PEX11A: variants seen among roughly 807,000 people sequenced by gnomAD.
PEX11A encodes peroxisomal membrane protein 11A.
A neutral mutation model predicts 14.4 loss-of-function variants in PEX11A; 13 were observed. That is an observed-to-expected ratio of 0.90 (90% CI 0.59 to 1.43). PEX11A has a LOEUF of 1.43. Among genes scored for constraint, PEX11A ranks in the 40% most tolerant of loss-of-function variants. The pLI is 0.00. For missense variants in PEX11A, 290 were observed against 302.8 expected, an observed-to-expected ratio of 0.96 and a Z score of 0.31; for synonymous variants, 101 against 113.0, an observed-to-expected ratio of 0.89 and a Z score of 0.67.
chr15:89,685,962 AC>A (rs1310528393), intron 2 of PEX11A, among the ~76,000 whole-genome samples: 1 of 152,224 alleles, frequency 6.6e-6, no homozygotes, highest in African/African-American at 2.4e-5. Context: ...TTCACTTTTT[AC>A]CTTTGGCATG....
rs1431291923 is a variant in PEX11A at position 89,690,668 on chromosome 15, T to C, written c.-36A>G. The C allele has an allele frequency of 2.0e-6, 3 of 1,521,352 alleles. No homozygotes were observed. The highest frequency in any genetic ancestry group is 4.9e-5 in the East Asian group (2 of 40,700). 94.2% of individuals were successfully genotyped at this position (1,521,352 alleles called of 1,614,324 possible). A position where few individuals can be genotyped will look rare whatever the true frequency, so the allele number is the denominator to read the frequency against. ...CCAAAGGCCACGAGTCGCACGGGGC[T>C]CAGGCGTGGGTCCTCTGGGGCCCGT... On this transcript the variant is annotated 5_prime_UTR_variant, in exon 1 of 3. Transcript: ENST00000300056.
At chr15:89,686,197 T>G (rs1964673628) in intron 2 of PEX11A, among the ~76,000 whole-genome samples, 2 of 152,334 alleles carry the variant, frequency 1.3e-5, no homozygotes, top group South Asian at 4.1e-4. Context: ...TGGTTATGAT[T>G]CAGCAGAAAG....
intron 2 of PEX11A, among the ~76,000 whole-genome samples, chr15:89,685,671 C>G (rs1677763395): frequency 6.6e-6 from 1 of 152,006 alleles, no homozygotes; most frequent in African/African-American, 2.4e-5. Flanking sequence ...TTTCCTCTAC[C>G]TCAGCCAACA....
intron 1 of PEX11A, chr15:89,687,895 GA>G: frequency 4.4e-6 from 2 of 459,190 alleles, no homozygotes; most frequent in Non-Finnish European, 8.3e-6. Flanking sequence ...ACATAAACTC[GA>G]TTTTATTGTC....
chr15:89,683,492 T>C lies in PEX11A; in HGVS notation c.629A>G (p.Asp210Gly), dbSNP rs1964627486. ...ATTGGATTTATAGATCCCCAGCTGGTCCAAAGGGTTCAGGATATCACAAAG... is the reference window on the plus strand; with the variant it reads ...ATTGGATTTATAGATCCCCAGCTGGCCCAAAGGGTTCAGGATATCACAAAG... Reference protein sequence around the residue: ...KNLCDILNPLDQLGIYKSNPG... With the variant: ...KNLCDILNPLGQLGIYKSNPG... The change falls in exon 3 of 3, where the codon GAC (aspartate) becomes GGC (glycine). Residue 210 changes from aspartate to glycine, a missense_variant. Asp to Gly is a moderately conservative substitution (Grantham distance 94). Coordinates refer to ENST00000300056, the MANE Select transcript of PEX11A (RefSeq NM_003847.3). 6.2e-7 allele frequency: 1 copy of C among 1,613,924 alleles called. No individual in the cohort carries two copies. The highest frequency in any genetic ancestry group is 8.5e-7 in the Non-Finnish European group (1 of 1,179,916).
At chr15:89,687,534 G>A (rs893221144) in intron 1 of PEX11A, among the ~76,000 whole-genome samples, 2 of 152,160 alleles carry the variant, frequency 1.3e-5, no homozygotes, top group Non-Finnish European at 2.9e-5. Context: ...ATAAATGTAG[G>A]AGAAATTTTA....
Position 89,683,333 on chromosome 15 carries a change from G to T in PEX11A, c.*44C>A. 1.5e-6 allele frequency: 2 copies of T among 1,301,016 alleles called. No individual in the cohort carries two copies. Among genetic ancestry groups the T allele is most frequent in the South Asian group, 1.3e-5 (1 of 75,182 alleles). The allele number at this position is 1,301,016 out of a possible 1,614,324, so 80.6% of individuals were successfully genotyped here. A position where few individuals can be genotyped will look rare whatever the true frequency, so the allele number is the denominator to read the frequency against. On this transcript the variant is annotated 3_prime_UTR_variant, in exon 3 of 3. Transcript: ENST00000300056. Reference sequence around the variant, plus strand: ...TATACAAATGTCTGTCCCACCAAGAGGCCATCTTTTAAAGTAGGTACTAGT... The same window carrying T: ...TATACAAATGTCTGTCCCACCAAGATGCCATCTTTTAAAGTAGGTACTAGT...
intron 1 of PEX11A, among the ~76,000 whole-genome samples, chr15:89,689,513 C>T (rs1345433166): frequency 6.6e-6 from 1 of 152,186 alleles, no homozygotes; most frequent in Non-Finnish European, 1.5e-5. Flanking sequence ...AAGCAAGAAT[C>T]AACCAAATCT....
chr15:89,684,477 A>C (rs1964648484), intron 2 of PEX11A, among the ~76,000 whole-genome samples: 1 of 152,224 alleles, frequency 6.6e-6, no homozygotes, highest in South Asian at 2.1e-4. Context: ...CATGAACTCC[A>C]GATGCAATAC....
Position 89,683,197 on chromosome 15 carries a change from C to A in PEX11A, c.*180G>T. The A allele has an allele frequency of 1.6e-6, 1 of 607,028 alleles. No individual in the cohort carries two copies. Among genetic ancestry groups the A allele is most frequent in the Non-Finnish European group, 2.9e-6 (1 of 343,336 alleles). 37.6% of individuals were successfully genotyped at this position (607,028 alleles called of 1,614,324 possible). ...ACTCCAGCACTCCAAAAACATACAA[C>A]TCTTCATGCTCCTCCCTTCTCCGTT... On this transcript the variant is annotated 3_prime_UTR_variant, in exon 3 of 3. Coordinates refer to ENST00000300056, the MANE Select transcript of PEX11A (RefSeq NM_003847.3).
Position 89,686,555 on chromosome 15 carries a change from G to T in PEX11A, c.57-9C>A. 4.1e-6 allele frequency: 4 copies of T among 980,150 alleles called. No homozygotes were observed. The highest frequency in any genetic ancestry group is 5.9e-6 in the Non-Finnish European group (4 of 674,518). 60.7% of individuals were successfully genotyped at this position (980,150 alleles called of 1,614,324 possible). A position where few individuals can be genotyped will look rare whatever the true frequency, so the allele number is the denominator to read the frequency against. On this transcript the variant is annotated splice_polypyrimidine_tract_variant and intron_variant, in intron 1 of 2. Coordinates refer to ENST00000300056, the MANE Select transcript of PEX11A (RefSeq NM_003847.3). ...ATGTGTACTGAGTGGCTCTGAAATGGAAAAAAAAAAATTGAGAAGAATGAT... is the reference window on the plus strand; with the variant it reads ...ATGTGTACTGAGTGGCTCTGAAATGTAAAAAAAAAAATTGAGAAGAATGAT...
Position 89,683,830 on chromosome 15 carries a change from G to C in PEX11A, c.291C>G (p.Phe97Leu). 1 of 1,614,110 alleles carries C rather than the reference G, an allele frequency of 6.2e-7. No homozygotes were observed. The highest frequency in any genetic ancestry group is 8.5e-7 in the Non-Finnish European group (1 of 1,179,932). ...TLANLNRVIY[F>L]ICDTILWVRS... is the part of the protein sequence containing the mutation. Reference sequence around the variant, plus strand: ...TCACCCAGAGGATGGTGTCACAGATGAAATAAATCACACGGTTCAGGTTGG... The same window carrying C: ...TCACCCAGAGGATGGTGTCACAGATCAAATAAATCACACGGTTCAGGTTGG... Residue 97 changes from phenylalanine (F) to leucine (L), a missense_variant, in exon 3 of 3, where the codon TTC (phenylalanine) becomes TTG (leucine). Phe to Leu is a conservative substitution (Grantham distance 22). Coordinates refer to ENST00000300056, the MANE Select transcript of PEX11A (RefSeq NM_003847.3).
intron 2 of PEX11A, among the ~76,000 whole-genome samples, chr15:89,684,966 G>C (rs978633752): frequency 6.6e-6 from 1 of 152,112 alleles, no homozygotes; most frequent in African/African-American, 2.4e-5. Context: ...AAGGTGCACG[G>C]ATCACCTGAG....
At position 89,690,725 on chromosome 15, in the gene PEX11A, AT is replaced by A; in HGVS notation, c.-94del. The A allele has an allele frequency of 2.3e-6, 2 of 887,974 alleles. No homozygotes were observed. Among genetic ancestry groups the A allele is most frequent in the Non-Finnish European group, 1.7e-6 (1 of 572,446 alleles). 55.0% of individuals were successfully genotyped at this position (887,974 alleles called of 1,614,324 possible). A position where few individuals can be genotyped will look rare whatever the true frequency, so the allele number is the denominator to read the frequency against. ...CCCAGGGAACGGTCAGTCCCAGGTT[AT>A]CCGCTGAGGGGGAGGGGCTGAGTCT... is the stretch of plus-strand genomic sequence containing the variant. On this transcript the variant is annotated 5_prime_UTR_variant, in exon 1 of 3. Transcript: ENST00000300056.
At chr15:89,685,220 A>C (rs929612936) in intron 2 of PEX11A, among the ~76,000 whole-genome samples, 7 of 151,192 alleles carry the variant, frequency 4.6e-5, no homozygotes, top group Non-Finnish European at 2.9e-5. Flanking sequence ...AAAAAAAAAA[A>C]AAAAAAAGAA....
At chr15:89,689,520 A>C (rs1964758084) in intron 1 of PEX11A, among the ~76,000 whole-genome samples, 1 of 152,236 alleles carries the variant, frequency 6.6e-6, no homozygotes. Context: ...AATCAACCAA[A>C]TCTCTAAAAC....
In PEX11A at chr15:89,683,897, A is replaced by C; in HGVS notation, c.224T>G (p.Ile75Ser). Residue 75 changes from isoleucine (I) to serine (S), a missense_variant, in exon 3 of 3, where the codon ATT becomes AGT. Ile to Ser is a moderately radical substitution (Grantham distance 142, BLOSUM62 -2). Coordinates refer to ENST00000300056, the MANE Select transcript of PEX11A (RefSeq NM_003847.3). The part of the protein sequence containing the change: ...VHAIQATEQS[I>S]HATDLVPRLC... ...GCGAGGTACCAGGTCAGTGGCATGAATGCTCTGCTCAGTTGCCTGTATAGC... is the reference window on the plus strand; with the variant it reads ...GCGAGGTACCAGGTCAGTGGCATGACTGCTCTGCTCAGTTGCCTGTATAGC... The C allele has an allele frequency of 6.2e-7, 1 of 1,614,124 alleles. No homozygotes were observed. Among genetic ancestry groups the C allele is most frequent in the Non-Finnish European group, 8.5e-7 (1 of 1,179,952 alleles).
intron 1 of PEX11A, among the ~76,000 whole-genome samples, chr15:89,689,307 T>C (rs561499170): frequency 6.6e-6 from 1 of 152,284 alleles, no homozygotes; most frequent in Admixed American, 6.5e-5. Flanking sequence ...TTAGAGTATC[T>C]ACCTCATAGG....
At position 89,682,006 on chromosome 15, in the gene PEX11A, C is replaced by A. The variant is rs2141545586; in HGVS notation, c.*1371G>T. 6.5e-6 allele frequency: 1 copy of A among 153,254 alleles called. No individual in the cohort carries two copies. The highest frequency in any genetic ancestry group is 2.1e-4 in the South Asian group (1 of 4,860). The allele number at this position is 153,254 out of a possible 1,614,324, so 9.5% of individuals were successfully genotyped here. A position where few individuals can be genotyped will look rare whatever the true frequency, so the allele number is the denominator to read the frequency against. ...GCTTCCTCCTGCGCTTTCCACCTCC[C>A]TCAATCACCCTAGAAATAAGATGTC... On this transcript the variant is annotated 3_prime_UTR_variant, in exon 3 of 3. Transcript: ENST00000300056.
Sources: gnomAD v4.1 joint callset for allele counts (sites outside exome capture counted in the v4.1 genomes callset) on GRCh38, gnomAD v4.1.1 for gene constraint, MANE v1.5 for transcripts, NCBI Gene and HGNC (gene_info 2026-07-23, HGNC 2026-07-21) for gene names.